Variants in CTXND1 observed in about 807,000 individuals in gnomAD.
CTXND1 encodes the protein cortexin domain-containing 1 protein.
intron 2 of CTXND1, among the ~76,000 whole-genome samples, chr15:80,203,173 C>T (rs73483212): frequency 4.6e-5 from 7 of 152,238 alleles, no homozygotes; most frequent in Admixed American, 3.3e-4. Flanking sequence ...AGGAGGAGGG[C>T]CGGCTGCTGC....
At chr15:80,235,125 G>A (rs929315898) in intron 1 of CTXND1, among the ~76,000 whole-genome samples, 2 of 152,122 alleles carry the variant, frequency 1.3e-5, no homozygotes, top group African/African-American at 4.8e-5. Context: ...CAAGGAAAGG[G>A]GCCCTTGCGG....
chr15:80,229,763 G>A (rs760384461), intron 1 of CTXND1, among the ~76,000 whole-genome samples: 7 of 152,172 alleles, frequency 4.6e-5, no homozygotes, highest in African/African-American at 7.2e-5. Context: ...TGCAGTCCTG[G>A]TATAGCGTGC....
At chr15:80,234,163 G>A (rs2141460182) in intron 1 of CTXND1, among the ~76,000 whole-genome samples, 1 of 152,268 alleles carries the variant, frequency 6.6e-6, no homozygotes. Context: ...AACAAAGAAA[G>A]CCCAGCCGTC....
chr15:80,215,198 C>G (rs1358572576), intron 1 of CTXND1, among the ~76,000 whole-genome samples: 1 of 152,184 alleles, frequency 6.6e-6, no homozygotes, highest in Non-Finnish European at 1.5e-5. Context: ...CCAATGTTGT[C>G]CAGCACATAA....
chr15:80,196,796 C>T lies in CTXND1; in HGVS notation c.*4974G>A, dbSNP rs960218683. 2.0e-5 allele frequency: 3 copies of T among 152,250 alleles called. No homozygotes were observed. Among genetic ancestry groups the T allele is most frequent in the African/African-American group, 4.8e-5 (2 of 41,432 alleles). The allele number at this position is 152,250 out of a possible 1,614,324, so 9.4% of individuals were successfully genotyped here. ...CCCAGGGTCCCCTGACCTTTAGCTTCTGTTGTTTTTGGCCAATGGAAGACC... is the reference window on the plus strand; with the variant it reads ...CCCAGGGTCCCCTGACCTTTAGCTTTTGTTGTTTTTGGCCAATGGAAGACC... On this transcript the variant is annotated 3_prime_UTR_variant, in exon 3 of 3. Transcript: ENST00000560778.
chr15:80,212,526 T>A (rs941988074), intron 1 of CTXND1, among the ~76,000 whole-genome samples: 1 of 152,216 alleles, frequency 6.6e-6, no homozygotes, highest in Admixed American at 6.5e-5. Flanking sequence ...AAGTATGCTC[T>A]GGAGAGAAAG....
At chr15:80,225,956 A>G (rs1241905152) in intron 1 of CTXND1, among the ~76,000 whole-genome samples, 2 of 152,006 alleles carry the variant, frequency 1.3e-5, no homozygotes, top group African/African-American at 4.8e-5. Flanking sequence ...CATTGTTTAT[A>G]CCCTAGCTAT....
chr15:80,240,418 C>A (rs1893552325), intron 1 of CTXND1, among the ~76,000 whole-genome samples: 1 of 152,214 alleles, frequency 6.6e-6, no homozygotes, highest in African/African-American at 2.4e-5. Flanking sequence ...CAGATTGGAA[C>A]ATGGCGTAGG....
chr15:80,225,688 A>T (rs998801811), intron 1 of CTXND1, among the ~76,000 whole-genome samples: 1 of 151,956 alleles, frequency 6.6e-6, no homozygotes, highest in Non-Finnish European at 1.5e-5. Context: ...AATTTCAAGG[A>T]TTTTTTCCTT....
intron 1 of CTXND1, among the ~76,000 whole-genome samples, chr15:80,205,547 T>C (rs893864164): frequency 6.6e-6 from 1 of 152,216 alleles, no homozygotes; most frequent in Admixed American, 6.5e-5. Flanking sequence ...AACATAGAAA[T>C]TGACCCTCCC....
At chr15:80,216,038 G>T (rs1595905279) in intron 1 of CTXND1, among the ~76,000 whole-genome samples, 1 of 152,212 alleles carries the variant, frequency 6.6e-6, no homozygotes, top group Admixed American at 6.5e-5. Context: ...AGCTATGTTA[G>T]ATTTCCACCT....
intron 1 of CTXND1, among the ~76,000 whole-genome samples, chr15:80,236,203 C>T (rs1034165336): frequency 4.0e-5 from 6 of 151,724 alleles, no homozygotes; most frequent in Admixed American, 6.6e-5. Context: ...AAGGTTGGCC[C>T]GCTGCTCGTT....
chr15:80,226,838 C>T (rs369580441), intron 1 of CTXND1, among the ~76,000 whole-genome samples: 12 of 152,308 alleles, frequency 7.9e-5, no homozygotes, highest in African/African-American at 2.9e-4. Flanking sequence ...GACTTGTTTT[C>T]CATGACTGCT....
rs1163096288 is a variant in CTXND1 at position 80,195,863 on chromosome 15, T to G, written c.*5907A>C. 1 of 152,158 alleles carries G rather than the reference T, an allele frequency of 6.6e-6. No homozygotes were observed. Among genetic ancestry groups the G allele is most frequent in the Non-Finnish European group, 1.5e-5 (1 of 68,030 alleles). 9.4% of individuals were successfully genotyped at this position (152,158 alleles called of 1,614,324 possible). A position where few individuals can be genotyped will look rare whatever the true frequency, so the allele number is the denominator to read the frequency against. ...ACCTTAGGTTTTGTGGGTTTGGAAA[T>G]CTCTAGTGACCAAGAGGAACTGCTT... is the stretch of plus-strand genomic sequence containing the variant. On this transcript the variant is annotated 3_prime_UTR_variant, in exon 3 of 3. Coordinates refer to ENST00000560778, the MANE Select transcript of CTXND1 (RefSeq NM_001352888.2).
At position 80,217,624 on chromosome 15, in the gene CTXND1, G is replaced by T. The variant is rs1893267892; in HGVS notation, c.-217-13884C>A. On this transcript the variant is annotated intron_variant, in intron 1 of 2. Transcript: ENST00000560778. The stretch of plus-strand genomic sequence containing the variant: ...TGCAGTGGCAAAATCTCAGCTCACT[G>T]CAAGTTCCACCTAATGTGTTCAAGC... Among the ~76,000 whole-genome samples the T allele has an allele frequency of 2.0e-5, 3 of 151,956 alleles. No individual in the cohort carries two copies. The South Asian group carries it at 6.2e-4, about 32-fold the overall frequency.
chr15:80,244,313 A>G (rs1893604852), intron 1 of CTXND1, among the ~76,000 whole-genome samples: 1 of 152,214 alleles, frequency 6.6e-6, no homozygotes, highest in Non-Finnish European at 1.5e-5. Flanking sequence ...ACAGTGAGGG[A>G]TATGCTGTCA....
chr15:80,229,923 C>G (rs191715199), intron 1 of CTXND1, among the ~76,000 whole-genome samples: 117 of 152,282 alleles, frequency 7.7e-4, no homozygotes, highest in African/African-American at 2.7e-3. Context: ...CTCCTTTCAC[C>G]TCAGGCTGGA....
intron 1 of CTXND1, among the ~76,000 whole-genome samples, chr15:80,243,878 C>A (rs1893599166): frequency 6.6e-6 from 1 of 152,204 alleles, no homozygotes; most frequent in Non-Finnish European, 1.5e-5. Context: ...CATGGAAGAG[C>A]ATTTTGAATA....
In CTXND1 at chr15:80,244,933, A is replaced by G. The variant is rs554546614; in HGVS notation, c.-218+7074T>C. ...AGGGTTGAGAGTTGGGCCTGGAGCT[A>G]GTCCTTGGGTTTTGAATCTCAGCCC... On this transcript the variant is annotated intron_variant, in intron 1 of 2. Coordinates refer to ENST00000560778, the MANE Select transcript of CTXND1 (RefSeq NM_001352888.2). Among the ~76,000 whole-genome samples, 4 of 152,258 alleles carry G rather than the reference A, an allele frequency of 2.6e-5. No individual in the cohort carries two copies. The South Asian group carries it at 8.3e-4, about 32-fold the overall frequency.
Sources: gnomAD v4.1 joint callset for allele counts (sites outside exome capture counted in the v4.1 genomes callset) on GRCh38, gnomAD v4.1.1 for gene constraint, MANE v1.5 for transcripts, NCBI Gene and HGNC (gene_info 2026-07-23, HGNC 2026-07-21) for gene names.